The following COL5A2 variants were observed in gnomAD, a reference collection of about 807,000 sequenced individuals.
COL5A2 encodes collagen type V alpha 2 chain.
Under a neutral mutation model 208.2 loss-of-function variants are expected in COL5A2, and 23 were observed. The ratio of observed to expected loss-of-function variants is 0.11; its 90% CI spans 0.08 to 0.16. COL5A2 has a LOEUF of 0.16. COL5A2 is among the 10% of genes least tolerant of loss of function. COL5A2 has a pLI of 1.00. For missense variants in COL5A2, 1,590 were observed against 1,956.4 expected (o/e 0.81, Z 3.53); for synonymous variants, 625 against 628.5 (o/e 0.99, Z 0.08).
chr2:189,311,993 G>C, the COL5A2 span: 6 of 750,238 alleles, frequency 8.0e-6, no homozygotes, highest in African/African-American at 5.1e-5. Flanking sequence ...GGAGCCCATG[G>C]ATGTCACTCT....
the COL5A2 span, among the ~76,000 whole-genome samples, chr2:189,323,563 C>T: frequency 6.6e-6 from 1 of 152,140 alleles, no homozygotes; most frequent in Non-Finnish European, 1.5e-5. Flanking sequence ...AGTGAACTCC[C>T]ATTCACATTT....
At chr2:189,244,452 A>G in the COL5A2 span, among the ~76,000 whole-genome samples, 1 of 152,224 alleles carries the variant, frequency 6.6e-6, no homozygotes, top group Non-Finnish European at 1.5e-5. Context: ...TTGCTAAAAC[A>G]TAACAAGAGT....
intron 5 of COL5A2, among the ~76,000 whole-genome samples, chr2:189,098,061 A>G (rs1686959341): frequency 6.7e-6 from 1 of 149,870 alleles, no homozygotes; most frequent in Admixed American, 6.7e-5. Context: ...GGCTGTTGCC[A>G]GGGGGACTTT....
chr2:189,277,431 A>G, the COL5A2 span, among the ~76,000 whole-genome samples: 1 of 152,098 alleles, frequency 6.6e-6, no homozygotes, highest in Non-Finnish European at 1.5e-5. Flanking sequence ...TGGGTTAATT[A>G]TTACCTGCGA....
intron 1 of COL5A2, among the ~76,000 whole-genome samples, chr2:189,148,893 A>T (rs1233289070): frequency 6.6e-6 from 1 of 152,202 alleles, no homozygotes; most frequent in Non-Finnish European, 1.5e-5. Flanking sequence ...TAATCCCAGC[A>T]CTTTGGGAGG....
the COL5A2 span, among the ~76,000 whole-genome samples, chr2:189,354,300 C>G: frequency 1.9e-3 from 294 of 152,176 alleles, 1 homozygote; most frequent in African/African-American, 6.5e-3. Context: ...CTCATAAAAT[C>G]AGTCAGGGTG....
intron 1 of COL5A2, among the ~76,000 whole-genome samples, chr2:189,212,274 T>G (rs913903144): frequency 2.0e-5 from 3 of 152,098 alleles, no homozygotes; most frequent in Non-Finnish European, 4.4e-5. Flanking sequence ...TAGGAGGCAT[T>G]TTGTCAAATA....
At chr2:189,379,125 G>A in the COL5A2 span, among the ~76,000 whole-genome samples, 1 of 152,014 alleles carries the variant, frequency 6.6e-6, no homozygotes, top group African/African-American at 2.4e-5. Context: ...AAAATGCACC[G>A]GCATACTAGC....
chr2:189,339,744 T>C, the COL5A2 span, among the ~76,000 whole-genome samples: 1 of 152,162 alleles, frequency 6.6e-6, no homozygotes, highest in African/African-American at 2.4e-5. Flanking sequence ...GGTGGTCAGT[T>C]AGGCAATCAC....
intron 30 of COL5A2, 52 bp from the exon 31 acceptor site, chr2:189,060,835 C>G (rs1559084513): frequency 3.7e-6 from 5 of 1,336,242 alleles, no homozygotes; most frequent in Non-Finnish European, 3.2e-6. Flanking sequence ...GTTTAACAGG[C>G]TACCAGTGTT....
At chr2:189,327,503 TGAA>T in the COL5A2 span, among the ~76,000 whole-genome samples, 1 of 152,066 alleles carries the variant, frequency 6.6e-6, no homozygotes. Flanking sequence ...CTTAGGTAAC[TGAA>T]GAAGAATTAG....
the COL5A2 span, among the ~76,000 whole-genome samples, chr2:189,256,153 G>A: frequency 1.3e-5 from 2 of 152,152 alleles, no homozygotes; most frequent in African/African-American, 2.4e-5. Context: ...ATATAGAGAG[G>A]ATTTTGTAAA....
the COL5A2 span, among the ~76,000 whole-genome samples, chr2:189,359,115 A>C: frequency 6.6e-6 from 1 of 152,174 alleles, no homozygotes; most frequent in African/African-American, 2.4e-5. Flanking sequence ...GATGAGTAGA[A>C]GTGACAAGAG....
At chr2:189,276,523 T>A in the COL5A2 span, among the ~76,000 whole-genome samples, 13 of 152,164 alleles carry the variant, frequency 8.5e-5, no homozygotes, top group Admixed American at 6.6e-4. Flanking sequence ...AAATACGTGC[T>A]GGAGTTTTCA....
At chr2:189,276,168 G>T in the COL5A2 span, among the ~76,000 whole-genome samples, 2 of 152,144 alleles carry the variant, frequency 1.3e-5, no homozygotes, top group South Asian at 4.1e-4. Flanking sequence ...CAACAAAGCT[G>T]CTAGGAAATT....
At position 189,098,692 on chromosome 2, in the gene COL5A2, C is replaced by T. The variant is rs775536536; in HGVS notation, c.402+35G>A. 1.9e-6 allele frequency: 3 copies of T among 1,540,938 alleles called. No individual in the cohort carries two copies. The African/African-American group carries it at 4.1e-5, about 21-fold the overall frequency. On this transcript the variant is annotated intron_variant, in intron 5 of 53. Transcript: ENST00000374866. Reference sequence around the variant, plus strand: ...AAGATTTTCAGTATCTCAAGGAATACAAGAGTACCAAGAATATTGGGAGAA... The same window carrying T: ...AAGATTTTCAGTATCTCAAGGAATATAAGAGTACCAAGAATATTGGGAGAA...
At chr2:189,052,371 C>A in intron 40 of COL5A2, 146 bp from the exon 41 acceptor site, 2 of 785,486 alleles carry the variant, frequency 2.5e-6, no homozygotes, top group South Asian at 1.6e-5. Flanking sequence ...TCGTACGAAT[C>A]CCATATTTTG....
intron 50 of COL5A2, 67 bp downstream of exon 50, chr2:189,041,519 T>A: frequency 7.8e-7 from 1 of 1,288,648 alleles, no homozygotes; most frequent in Non-Finnish European, 1.1e-6. Flanking sequence ...TGCACAGACA[T>A]TTCTTGGACG....
chr2:189,039,209 T>G, intron 51 of COL5A2, 63 bp downstream of exon 51: 2 of 1,575,506 alleles, frequency 1.3e-6, no homozygotes, highest in Non-Finnish European at 1.7e-6. Flanking sequence ...TATTTTGGAA[T>G]GCAGTTGAGA....
Sources: gnomAD v4.1 joint callset for allele counts (sites outside exome capture counted in the v4.1 genomes callset) on GRCh38, gnomAD v4.1.1 for gene constraint, MANE v1.5 for transcripts, NCBI Gene and HGNC (gene_info 2026-07-23, HGNC 2026-07-21) for gene names.